The following RIN2 variants were observed in gnomAD, a reference collection of about 807,000 sequenced individuals.
RIN2 encodes Ras and Rab interactor 2.
RIN2 carries 36 observed loss-of-function variants against 78.0 expected under a neutral mutation model. That is an observed-to-expected ratio of 0.46 (90% confidence interval 0.35 to 0.61). The LOEUF is 0.61. Among genes scored for constraint, RIN2 ranks in the 20% least tolerant of loss-of-function variants. The pLI, the probability that RIN2 is intolerant of heterozygous loss-of-function variation, is 0.00. For synonymous variants in RIN2, 466 were observed against 466.8 expected, an observed-to-expected ratio of 1.00 and a Z score of 0.02; for missense variants, 1,087 against 1,159.7, an observed-to-expected ratio of 0.94 and a Z score of 0.91.
intron 1 of RIN2, among the ~76,000 whole-genome samples, chr20:19,795,359 G>T (rs760256824): frequency 3.3e-5 from 5 of 152,132 alleles, no homozygotes; most frequent in Non-Finnish European, 5.9e-5. Flanking sequence ...TTTTTAGATT[G>T]TTTGGGTTTG....
At chr20:19,848,739 G>A (rs921125358) in intron 2 of RIN2, among the ~76,000 whole-genome samples, 48 of 151,696 alleles carry the variant, frequency 3.2e-4, no homozygotes, top group African/African-American at 1.7e-4. Context: ...TAGGTTTATC[G>A]TGAGTTTATA....
intron 2 of RIN2, among the ~76,000 whole-genome samples, chr20:19,808,146 A>G (rs995330776): frequency 2.6e-5 from 4 of 152,274 alleles, no homozygotes; most frequent in African/African-American, 9.6e-5. Flanking sequence ...AGTGTCTTAC[A>G]GTGCATTCTA....
intron 2 of RIN2, among the ~76,000 whole-genome samples, chr20:19,875,022 A>C (rs1034061350): frequency 2.0e-5 from 3 of 151,038 alleles, no homozygotes; most frequent in Admixed American, 6.6e-5. Context: ...CACCATACCC[A>C]GCTAAGTTTT....
At chr20:19,764,936 T>TTTTTTTTTTTTTTTTTTTTTC (rs2033818621) in intron 1 of RIN2, among the ~76,000 whole-genome samples, 1 of 132,578 alleles carries the variant, frequency 7.5e-6, no homozygotes, top group African/African-American at 2.9e-5. Context: ...TTTTTTTTTT[T>TTTTTTTTTTTTTTTTTTTTTC]TTTTTTTGAC....
intron 1 of RIN2, among the ~76,000 whole-genome samples, chr20:19,798,329 G>A (rs1160911411): frequency 6.6e-6 from 1 of 152,092 alleles, no homozygotes; most frequent in Non-Finnish European, 1.5e-5. Context: ...AGAGGAGAGG[G>A]ACAGGGAGGA....
intron 3 of RIN2, among the ~76,000 whole-genome samples, chr20:19,903,549 C>T (rs2039082605): frequency 1.3e-5 from 2 of 152,122 alleles, no homozygotes; most frequent in Admixed American, 1.3e-4. Context: ...CAGCTGGTTC[C>T]ACCTTGACCA....
intron 2 of RIN2, among the ~76,000 whole-genome samples, chr20:19,840,537 A>C (rs1220400030): frequency 6.6e-6 from 1 of 152,234 alleles, no homozygotes; most frequent in Non-Finnish European, 1.5e-5. Context: ...ATGCCTTATC[A>C]TTGTTGACAT....
At chr20:19,766,196 T>G (rs1405988037) in intron 1 of RIN2, among the ~76,000 whole-genome samples, 1 of 152,178 alleles carries the variant, frequency 6.6e-6, no homozygotes, top group African/African-American at 2.4e-5. Context: ...GGTGTGTGTT[T>G]CGTATGACAA....
intron 3 of RIN2, among the ~76,000 whole-genome samples, chr20:19,928,795 G>A (rs2146089517): frequency 6.6e-6 from 1 of 152,218 alleles, no homozygotes; most frequent in Middle Eastern, 3.4e-3. Context: ...GTGGTCACCA[G>A]CACCCCCTCT....
At chr20:19,993,369 C>T (rs987947264) in intron 11 of RIN2, among the ~76,000 whole-genome samples, 6 of 152,146 alleles carry the variant, frequency 3.9e-5, no homozygotes, top group Admixed American at 3.9e-4. Context: ...AGCATTTTCC[C>T]TGGAGGGAAT....
chr20:19,813,433 C>A (rs2035665468), intron 2 of RIN2, among the ~76,000 whole-genome samples: 3 of 152,216 alleles, frequency 2.0e-5, no homozygotes, highest in Admixed American at 6.5e-5. Flanking sequence ...CGAATACGTA[C>A]CAGATACTAT....
At chr20:19,861,970 T>A (rs1488227878) in intron 2 of RIN2, among the ~76,000 whole-genome samples, 1 of 119,078 alleles carries the variant, frequency 8.4e-6, no homozygotes, top group Non-Finnish European at 1.6e-5. Flanking sequence ...TCACCCTCCA[T>A]ATCTGATGAT....
At chr20:19,867,932 G>A (rs77939650) in intron 2 of RIN2, among the ~76,000 whole-genome samples, 3,304 of 152,354 alleles carry the variant, frequency 0.022, 60 homozygotes, top group Non-Finnish European at 0.034. Flanking sequence ...ACTGCAAGGC[G>A]TTTTCGTGGG....
intron 3 of RIN2, among the ~76,000 whole-genome samples, chr20:19,906,286 C>T (rs1292397138): frequency 3.3e-5 from 5 of 152,038 alleles, no homozygotes; most frequent in African/African-American, 4.8e-5. Context: ...CTTGTCTATA[C>T]TAAAAATAAA....
intron 1 of RIN2, among the ~76,000 whole-genome samples, chr20:19,777,069 G>A (rs897934445): frequency 1.3e-5 from 2 of 152,226 alleles, no homozygotes; most frequent in Non-Finnish European, 2.9e-5. Context: ...GGAGGAAGGA[G>A]GAGGTGTTCA....
At chr20:19,837,780 CCTCT>C (rs1220632974) in intron 2 of RIN2, among the ~76,000 whole-genome samples, 1 of 150,012 alleles carries the variant, frequency 6.7e-6, no homozygotes, top group African/African-American at 2.5e-5. Flanking sequence ...TCTTCCTTTC[CCTCT>C]CTTTTTCTTT....
At chr20:19,758,415 G>C (rs2033469996) in intron 1 of RIN2, 88 bp downstream of exon 1, 1 of 152,276 alleles carries the variant, frequency 6.6e-6, no homozygotes, top group Admixed American at 6.5e-5. Context: ...GGGCTCTCTG[G>C]GGTTCCAGAC....
At chr20:19,939,029 A>T (rs1004014944) in intron 4 of RIN2, among the ~76,000 whole-genome samples, 14 of 152,050 alleles carry the variant, frequency 9.2e-5, no homozygotes, top group South Asian at 4.2e-4. Flanking sequence ...TCCATCTCCA[A>T]ATCCAGGCAG....
At chr20:19,905,115 G>A (rs948006425) in intron 3 of RIN2, among the ~76,000 whole-genome samples, 1 of 152,114 alleles carries the variant, frequency 6.6e-6, no homozygotes. Flanking sequence ...TTATTGTACA[G>A]GTCCCCTTGA....
Sources: gnomAD v4.1 joint callset for allele counts (sites outside exome capture counted in the v4.1 genomes callset) on GRCh38, gnomAD v4.1.1 for gene constraint, MANE v1.5 for transcripts, NCBI Gene and HGNC (gene_info 2026-07-23, HGNC 2026-07-21) for gene names.